RABGAP1L: variants seen among roughly 807,000 people sequenced by gnomAD.
RABGAP1L encodes RAB GTPase activating protein 1 like.
RABGAP1L carries 63 observed loss-of-function variants against 137.7 expected under a neutral mutation model. The observed-to-expected ratio is 0.46, with a 90% CI of 0.37 to 0.56. The LOEUF is 0.56. Ranked by LOEUF, RABGAP1L falls within the 20% of genes least tolerant of loss-of-function variation. RABGAP1L has a pLI of 0.00. For synonymous variants in RABGAP1L, 431 were observed against 433.7 expected (o/e 0.99, Z 0.08); for missense variants, 1,095 against 1,244.0 (o/e 0.88, Z 1.80).
intron 13 of RABGAP1L, among the ~76,000 whole-genome samples, chr1:174,616,465 T>C (rs1463846474): frequency 1.3e-5 from 2 of 152,222 alleles, no homozygotes; most frequent in Non-Finnish European, 2.9e-5. Context: ...ATTTACCTAG[T>C]GCCTACTAAA....
chr1:174,845,211 T>C (rs12033975), intron 19 of RABGAP1L, among the ~76,000 whole-genome samples: 23,889 of 65,598 alleles, frequency 0.36, 5,311 homozygotes, highest in East Asian at 0.65. Flanking sequence ...ATTGAATACC[T>C]TTTATTTCCT....
At chr1:174,702,355 G>T in intron 17 of RABGAP1L, 99 bp downstream of exon 17, 1 of 1,050,940 alleles carries the variant, frequency 9.5e-7, no homozygotes, top group South Asian at 2.2e-5. Flanking sequence ...GTGACATTAA[G>T]CCATAAATAC....
At chr1:174,871,525 A>G (rs181317168) in intron 19 of RABGAP1L, among the ~76,000 whole-genome samples, 9 of 152,324 alleles carry the variant, frequency 5.9e-5, no homozygotes, top group African/African-American at 1.9e-4. Context: ...GATTTAACCA[A>G]GTGCCCTGCT....
chr1:174,240,651 C>T (rs139571232), intron 4 of RABGAP1L, among the ~76,000 whole-genome samples: 3 of 152,316 alleles, frequency 2.0e-5, no homozygotes, highest in African/African-American at 7.2e-5. Context: ...TTTGGAACCA[C>T]CTGACCTTTT....
intron 13 of RABGAP1L, among the ~76,000 whole-genome samples, chr1:174,547,503 G>A (rs147761521): frequency 1.9e-4 from 29 of 152,258 alleles, no homozygotes; most frequent in African/African-American, 6.7e-4. Flanking sequence ...TGTATGCCCA[G>A]GTACTTAGGT....
chr1:174,449,665 A>C (rs1350342711), intron 13 of RABGAP1L, among the ~76,000 whole-genome samples: 1 of 152,238 alleles, frequency 6.6e-6, no homozygotes, highest in Non-Finnish European at 1.5e-5. Flanking sequence ...CTTTTGCATC[A>C]AAGTGTACCT....
At chr1:174,389,390 T>A (rs1050896732) in intron 12 of RABGAP1L, among the ~76,000 whole-genome samples, 1 of 151,994 alleles carries the variant, frequency 6.6e-6, no homozygotes, top group Non-Finnish European at 1.5e-5. Context: ...CTAATTCCAT[T>A]GGTGACTTTT....
intron 11 of RABGAP1L, among the ~76,000 whole-genome samples, chr1:174,366,838 A>T (rs1684671922): frequency 6.7e-6 from 1 of 148,666 alleles, no homozygotes; most frequent in African/African-American, 2.5e-5. Flanking sequence ...TCTTTCTGCC[A>T]TTTTCTTCTG....
chr1:174,249,724 C>T (rs1050442634), intron 5 of RABGAP1L, among the ~76,000 whole-genome samples: 1 of 151,250 alleles, frequency 6.6e-6, no homozygotes, highest in East Asian at 1.9e-4. Flanking sequence ...CTCACTGCAA[C>T]CTCCACCTGC....
rs116037709 is a variant in RABGAP1L, at chr1:174,299,469, T to C, written c.1324-5517T>C. 7.7e-3 allele frequency among the ~76,000 whole-genome samples: 1,177 copies of C among 152,280 alleles called. 11 individuals carry two copies. Among genetic ancestry groups the C allele is most frequent in the African/African-American group, 0.026 (1,088 of 41,552 alleles). ...TCAGTAAAATAACCACTTTCTCCAA[T>C]TGTGCTCTGTTGCAAAAGAAAAATG... On this transcript the variant is annotated intron_variant, in intron 10 of 25. Transcript: ENST00000681986.
intron 18 of RABGAP1L, among the ~76,000 whole-genome samples, chr1:174,791,081 C>T (rs1465544523): frequency 6.6e-6 from 1 of 151,500 alleles, no homozygotes; most frequent in Non-Finnish European, 1.5e-5. Context: ...ATCTCAGCTA[C>T]TTGGGAGGCT....
chr1:174,955,714 C>T (rs941255253), intron 19 of RABGAP1L, among the ~76,000 whole-genome samples: 10 of 152,132 alleles, frequency 6.6e-5, no homozygotes, highest in African/African-American at 1.9e-4. Context: ...TCTCAGAGTA[C>T]GCAAGAAGTT....
At chr1:174,676,603 C>A (rs1316608496) in intron 14 of RABGAP1L, among the ~76,000 whole-genome samples, 1 of 152,140 alleles carries the variant, frequency 6.6e-6, no homozygotes. Flanking sequence ...TTGAGAAGCA[C>A]GTACTTTGTG....
In RABGAP1L at chr1:174,448,419, A is replaced by G. The variant is rs1655037650; in HGVS notation, c.1710+54274A>G. ...TTGGTTCCTACTCTGTCACTTCTCC[A>G]CTACTCCACAGGTGTCCACGAGTCA... On this transcript the variant is annotated intron_variant, in intron 13 of 25. Transcript: ENST00000681986. This position sits in a 1 kb window ranked among gnomAD's most constrained non-coding sequence, Gnocchi z 4.2. 6.2e-7 allele frequency: 1 copy of G among 1,612,814 alleles called. No individual in the cohort carries two copies. The highest frequency in any genetic ancestry group is 8.5e-7 in the Non-Finnish European group (1 of 1,178,824).
chr1:174,464,650 A>G (rs1657090911), intron 13 of RABGAP1L, among the ~76,000 whole-genome samples: 1 of 152,090 alleles, frequency 6.6e-6, no homozygotes, highest in African/African-American at 2.4e-5. Flanking sequence ...AATTGAAAAA[A>G]AGACTACCTG....
intron 17 of RABGAP1L, among the ~76,000 whole-genome samples, chr1:174,708,759 GTTTGTTTTGT>G (rs757821215): frequency 1.5e-4 from 23 of 152,180 alleles, no homozygotes; most frequent in East Asian, 1.9e-4. Flanking sequence ...GTTTTTGTTT[GTTTGTTTTGT>G]TTTGTTTTGT....
intron 11 of RABGAP1L, among the ~76,000 whole-genome samples, chr1:174,360,686 G>A (rs191663463): frequency 6.6e-6 from 1 of 152,244 alleles, no homozygotes; most frequent in Non-Finnish European, 1.5e-5. Context: ...ACTTTTAGCA[G>A]TATCTTGGCA....
Position 174,699,520 on chromosome 1 carries a change from T to A in RABGAP1L, c.1900-5T>A, listed in dbSNP as rs776432885. ...TATATTGTATATGTATATATTTTTCTGTAGATGCCAGAGGAACAAGCATTC... is the reference window on the plus strand; with the variant it reads ...TATATTGTATATGTATATATTTTTCAGTAGATGCCAGAGGAACAAGCATTC... On this transcript the variant is annotated splice_region_variant and splice_polypyrimidine_tract_variant and intron_variant, in intron 15 of 25. Transcript: ENST00000681986. 6.2e-7 allele frequency: 1 copy of A among 1,610,272 alleles called. No individual in the cohort carries two copies. The highest frequency in any genetic ancestry group is 8.5e-7 in the Non-Finnish European group (1 of 1,178,264).
At chr1:174,550,905 CATAT>C (rs762025918) in intron 13 of RABGAP1L, among the ~76,000 whole-genome samples, 24,474 of 81,316 alleles carry the variant, frequency 0.3, 3,923 homozygotes, top group African/African-American at 0.34. Flanking sequence ...TACACACACA[CATAT>C]ACACACACAC....
Sources: allele counts gnomAD v4.1 joint callset (sites outside exome capture counted in the v4.1 genomes callset), GRCh38; gene constraint gnomAD v4.1.1; non-coding constraint Gnocchi (gnomAD v3.1); transcripts MANE v1.5; gene names NCBI Gene and HGNC (gene_info 2026-07-23, HGNC 2026-07-21).